NCOA3: variants seen among roughly 807,000 people sequenced by gnomAD.
NCOA3 encodes the protein CBP-interacting protein.
A neutral mutation model predicts 158.8 loss-of-function variants in NCOA3; 51 were observed. The ratio of observed to expected loss-of-function variants is 0.32; its 90% CI spans 0.26 to 0.41. The LOEUF is 0.41. Ranked by LOEUF, NCOA3 falls within the 10% of genes least tolerant of loss-of-function variation. The pLI, the probability that NCOA3 is intolerant of heterozygous loss-of-function variation, is 1.00. For missense variants in NCOA3, 1,510 were observed against 1,746.6 expected (o/e 0.86, Z 2.41); for synonymous variants, 537 against 592.4 (o/e 0.91, Z 1.36).
intron 1 of NCOA3, among the ~76,000 whole-genome samples, chr20:47,564,627 T>C (rs1427207082): frequency 6.6e-6 from 1 of 152,138 alleles, no homozygotes; most frequent in Non-Finnish European, 1.5e-5. Flanking sequence ...AATTGGTATC[T>C]ACATCTTTTG....
intron 2 of NCOA3, among the ~76,000 whole-genome samples, chr20:47,602,692 C>T (rs984375674): frequency 1.3e-5 from 2 of 152,094 alleles, no homozygotes; most frequent in African/African-American, 4.8e-5. Context: ...GATTCCTAGG[C>T]GCTGAGAAGA....
rs749582388 is a variant in NCOA3 at position 47,621,654 on chromosome 20, A to ATTTTTTTTTTTTTTTTTTT, written c.-19-558_-19-557insTTTTTTTTTTTTTTTTTTT. Among the ~76,000 whole-genome samples, 28 of 119,782 alleles carry ATTTTTTTTTTTTTTTTTTT rather than the reference A, an allele frequency of 2.3e-4. 2 individuals are homozygous for ATTTTTTTTTTTTTTTTTTT. The highest frequency in any genetic ancestry group is 7.5e-4 in the African/African-American group (22 of 29,436). 78.6% of individuals were successfully genotyped at this position (119,782 alleles called of 152,430 possible). A position where few individuals can be genotyped will look rare whatever the true frequency, so the allele number is the denominator to read the frequency against. On this transcript the variant is annotated intron_variant, in intron 2 of 22. Transcript: ENST00000371998. ...AGCATACTATTTTTCCATCAGTCAA[A>ATTTTTTTTTTTTTTTTTTT]TTTTTTTTTTTTTTTTTGAGACGGA...
intron 1 of NCOA3, among the ~76,000 whole-genome samples, chr20:47,557,153 T>C (rs1442182568): frequency 6.6e-6 from 1 of 152,208 alleles, no homozygotes; most frequent in Non-Finnish European, 1.5e-5. Context: ...AAGTCAAATT[T>C]TTTGGGTCTG....
chr20:47,536,541 A>C (rs567380271), intron 1 of NCOA3, among the ~76,000 whole-genome samples: 1 of 152,360 alleles, frequency 6.6e-6, no homozygotes, highest in East Asian at 1.9e-4. Context: ...CAGGAAAATA[A>C]TGTATTATCA....
intron 1 of NCOA3, among the ~76,000 whole-genome samples, chr20:47,517,254 AC>A (rs2084248810): frequency 6.6e-6 from 1 of 152,112 alleles, no homozygotes; most frequent in South Asian, 2.1e-4. Flanking sequence ...TTTTACTATA[AC>A]GAAACAGTAC....
In NCOA3 at chr20:47,512,624, A is replaced by G. The variant is rs188010253; in HGVS notation, c.-99+10605A>G. On this transcript the variant is annotated intron_variant, in intron 1 of 22. Transcript: ENST00000371998. ...TATATACAGAGACTTCACAGAAAAAAGGTACACCAGTGGCAAGTAAGTACG... is the reference window on the plus strand; with the variant it reads ...TATATACAGAGACTTCACAGAAAAAGGGTACACCAGTGGCAAGTAAGTACG... Among the ~76,000 whole-genome samples the G allele has an allele frequency of 2.3e-4, 35 of 152,202 alleles. No homozygotes were observed. The East Asian group carries it at 6.6e-3, about 29-fold the overall frequency.
chr20:47,601,854 A>T (rs1009728858), intron 2 of NCOA3, among the ~76,000 whole-genome samples: 1 of 152,218 alleles, frequency 6.6e-6, no homozygotes, highest in African/African-American at 2.4e-5. Flanking sequence ...GAAAAATAGT[A>T]TGTATTGGAC....
chr20:47,608,113 C>G (rs1447184644), intron 2 of NCOA3, among the ~76,000 whole-genome samples: 1 of 152,000 alleles, frequency 6.6e-6, no homozygotes, highest in Admixed American at 6.6e-5. Context: ...GAGTTTGAGA[C>G]TAGCCTGGCC....
intron 1 of NCOA3, among the ~76,000 whole-genome samples, chr20:47,514,138 C>T (rs2084191499): frequency 6.6e-6 from 1 of 151,624 alleles, no homozygotes; most frequent in South Asian, 2.1e-4. Context: ...ATTTGCAACT[C>T]TCTTTAAGTC....
intron 1 of NCOA3, among the ~76,000 whole-genome samples, chr20:47,582,375 C>G (rs2085467333): frequency 6.6e-6 from 1 of 152,066 alleles, no homozygotes; most frequent in Non-Finnish European, 1.5e-5. Context: ...TCACACCAAA[C>G]TAATTTTTTG....
chr20:47,656,037 C>G lies in NCOA3; in HGVS notation c.*2620C>G, dbSNP rs1269724581. 1.3e-5 allele frequency: 2 copies of G among 151,762 alleles called. No homozygotes were observed. The highest frequency in any genetic ancestry group is 3.9e-4 in the East Asian group (2 of 5,178). The allele number at this position is 151,762 out of a possible 1,614,324, so 9.4% of individuals were successfully genotyped here. On this transcript the variant is annotated 3_prime_UTR_variant, in exon 23 of 23. Transcript: ENST00000371998. ...TCTACCTCTCCTCACACCCCAGCACCCCCCATTTTTTCAAACCTTGGTATC... is the reference window on the plus strand; with the variant it reads ...TCTACCTCTCCTCACACCCCAGCACGCCCCATTTTTTCAAACCTTGGTATC...
intron 1 of NCOA3, among the ~76,000 whole-genome samples, chr20:47,520,196 C>CA (rs1374637002): frequency 2.6e-5 from 4 of 151,398 alleles, no homozygotes; most frequent in Non-Finnish European, 4.4e-5. Flanking sequence ...AGAAGACCTT[C>CA]AATTATCAAT....
At chr20:47,611,128 G>C (rs2086035916) in intron 2 of NCOA3, among the ~76,000 whole-genome samples, 1 of 152,124 alleles carries the variant, frequency 6.6e-6, no homozygotes, top group African/African-American at 2.4e-5. Context: ...TCTCAATACT[G>C]TCTTTTCCTC....
At chr20:47,526,644 G>A (rs551881750) in intron 1 of NCOA3, among the ~76,000 whole-genome samples, 4 of 152,346 alleles carry the variant, frequency 2.6e-5, no homozygotes, top group African/African-American at 9.6e-5. Flanking sequence ...GCCTGCAATC[G>A]CAGGCACTTG....
At chr20:47,522,283 T>C (rs1377386341) in intron 1 of NCOA3, among the ~76,000 whole-genome samples, 2 of 151,850 alleles carry the variant, frequency 1.3e-5, no homozygotes, top group African/African-American at 4.8e-5. Context: ...TTTGTATTTT[T>C]AGTAGAGACG....
rs181887512 is a variant in NCOA3, at chr20:47,602,100, G to T, written c.-20+18839G>T. 2.6e-5 allele frequency among the ~76,000 whole-genome samples: 4 copies of T among 152,304 alleles called. No individual in the cohort carries two copies. In the South Asian group the frequency reaches 8.3e-4, roughly 32 times the overall value. On this transcript the variant is annotated intron_variant, in intron 2 of 22. Coordinates refer to ENST00000371998, the MANE Select transcript of NCOA3 (RefSeq NM_181659.3). Reference sequence around the variant, plus strand: ...GAGTACACAAGCATTTGGAAGATCAGCAATGCAGGCTACTTCATTCATTTA... The same window carrying T: ...GAGTACACAAGCATTTGGAAGATCATCAATGCAGGCTACTTCATTCATTTA...
At chr20:47,600,110 TTGTGTGTGTGTG>T (rs11472351) in intron 2 of NCOA3, among the ~76,000 whole-genome samples, 13 of 143,078 alleles carry the variant, frequency 9.1e-5, no homozygotes, top group South Asian at 4.4e-4. Context: ...CTCACTTCCT[TTGTGTGTGTGTG>T]TGTGTGTGTG....
intron 2 of NCOA3, among the ~76,000 whole-genome samples, chr20:47,618,676 A>T (rs1434835628): frequency 6.6e-6 from 1 of 152,096 alleles, no homozygotes; most frequent in African/African-American, 2.4e-5. Context: ...CTTTTTGGAT[A>T]ATTAGGTTGG....
chr20:47,602,142 T>C (rs1233786546), intron 2 of NCOA3, among the ~76,000 whole-genome samples: 46 of 152,248 alleles, frequency 3.0e-4, no homozygotes, highest in Non-Finnish European at 1.8e-4. Context: ...ATTTATCTTT[T>C]ATAGTTTCTG....
Sources: allele counts gnomAD v4.1 joint callset (sites outside exome capture counted in the v4.1 genomes callset), GRCh38; gene constraint gnomAD v4.1.1; transcripts MANE v1.5; gene names NCBI Gene and HGNC (gene_info 2026-07-23, HGNC 2026-07-21).